The following RTN1 variants were observed in gnomAD, a reference collection of about 807,000 sequenced individuals.
RTN1 encodes the protein reticulon-1.
A neutral mutation model predicts 65.5 loss-of-function variants in RTN1; 25 were observed. The observed-to-expected ratio is 0.38, with a 90% CI of 0.28 to 0.53. The LOEUF is 0.53. Ranked by LOEUF, RTN1 falls within the 20% of genes least tolerant of loss-of-function variation. The pLI is 0.79. For synonymous variants in RTN1, 471 were observed against 447.6 expected (o/e 1.05, Z -0.66); for missense variants, 983 against 1,025.4 (o/e 0.96, Z 0.57).
intron 1 of RTN1, among the ~76,000 whole-genome samples, chr14:59,773,443 A>C (rs552784651): frequency 6.6e-6 from 1 of 152,300 alleles, no homozygotes; most frequent in African/African-American, 2.4e-5. Context: ...GATGACTTTA[A>C]AAAGTTAGTT....
At chr14:59,661,750 C>T (rs1312852284) in intron 3 of RTN1, among the ~76,000 whole-genome samples, 1 of 152,066 alleles carries the variant, frequency 6.6e-6, no homozygotes, top group Non-Finnish European at 1.5e-5. Context: ...AAGGAACGTA[C>T]CTCAAAATAA....
chr14:59,725,286 TA>T (rs1884733733), intron 3 of RTN1, among the ~76,000 whole-genome samples: 1 of 152,196 alleles, frequency 6.6e-6, no homozygotes, highest in Admixed American at 6.5e-5. Flanking sequence ...AGAATAAACA[TA>T]TTTGAACAGC....
At chr14:59,764,577 C>T (rs765981550) in intron 1 of RTN1, among the ~76,000 whole-genome samples, 8 of 152,158 alleles carry the variant, frequency 5.3e-5, no homozygotes, top group Non-Finnish European at 1.2e-4. Flanking sequence ...CCACCTCGGC[C>T]TCCCAAAGTG....
At chr14:59,851,729 C>T (rs148198297) in intron 1 of RTN1, among the ~76,000 whole-genome samples, 29 of 151,938 alleles carry the variant, frequency 1.9e-4, no homozygotes, top group African/African-American at 5.6e-4. Context: ...TGGTGGCAAG[C>T]GCCTGTAGTC....
chr14:59,612,536 C>T (rs529394310), intron 3 of RTN1, among the ~76,000 whole-genome samples: 1 of 152,230 alleles, frequency 6.6e-6, no homozygotes, highest in African/African-American at 2.4e-5. Flanking sequence ...ATGTTGTGTA[C>T]TTTGTGCTAA....
intron 3 of RTN1, among the ~76,000 whole-genome samples, chr14:59,637,991 A>G (rs1200090480): frequency 6.6e-6 from 1 of 151,866 alleles, no homozygotes; most frequent in Non-Finnish European, 1.5e-5. Context: ...TGCTGGGACT[A>G]CAAGCACCTG....
chr14:59,632,971 A>G (rs935478244), intron 3 of RTN1, among the ~76,000 whole-genome samples: 1 of 152,144 alleles, frequency 6.6e-6, no homozygotes, highest in African/African-American at 2.4e-5. Flanking sequence ...GCATGGTGGC[A>G]TGCACCTGTA....
chr14:59,606,352 C>T (rs972662661), intron 4 of RTN1, among the ~76,000 whole-genome samples: 1 of 151,918 alleles, frequency 6.6e-6, no homozygotes, highest in African/African-American at 2.4e-5. Context: ...AATGTGTCCT[C>T]CCCAAATTCA....
intron 1 of RTN1, among the ~76,000 whole-genome samples, chr14:59,793,939 C>T (rs1391289414): frequency 6.6e-6 from 1 of 152,114 alleles, no homozygotes; most frequent in Non-Finnish European, 1.5e-5. Flanking sequence ...ACACATAAGG[C>T]CCCATGCTCT....
chr14:59,862,877 A>G (rs991962285), intron 1 of RTN1, among the ~76,000 whole-genome samples: 5 of 152,098 alleles, frequency 3.3e-5, no homozygotes, highest in East Asian at 1.9e-4. Context: ...ACTTTCAACA[A>G]TTCCACTCCT....
At chr14:59,792,122 A>G (rs960181062) in intron 1 of RTN1, among the ~76,000 whole-genome samples, 1 of 152,062 alleles carries the variant, frequency 6.6e-6, no homozygotes, top group Non-Finnish European at 1.5e-5. Flanking sequence ...TACCGCTGCC[A>G]TTATTTGATG....
At chr14:59,864,017 C>T (rs1887755709) in intron 1 of RTN1, among the ~76,000 whole-genome samples, 1 of 152,174 alleles carries the variant, frequency 6.6e-6, no homozygotes, top group Admixed American at 6.5e-5. Context: ...TCTTGCTCCA[C>T]ACCAACCACC....
rs371576013 is a variant in RTN1, at chr14:59,611,938, T to C, written c.1766-4446A>G. ...ACCATCCTTATCTGGTCACATTCCA[T>C]GAGCCCCAAAGAAGGCTCAACAGGC... On this transcript the variant is annotated intron_variant, in intron 3 of 8. Transcript: ENST00000267484. Among the ~76,000 whole-genome samples the C allele has an allele frequency of 4.6e-5, 7 of 152,278 alleles. No individual in the cohort carries two copies. The South Asian group carries it at 8.3e-4, about 18-fold the overall frequency.
In RTN1 at chr14:59,816,525, T is replaced by C. The variant is rs976680314; in HGVS notation, c.241+53865A>G. On this transcript the variant is annotated intron_variant, in intron 1 of 8. Transcript: ENST00000267484. This position sits in a 1 kb window ranked among gnomAD's most constrained non-coding sequence, Gnocchi z 4.3. ...AGGCTTAATAAATATTTATTGCACA[T>C]AGAAATGAGTTTTGAGATGGAGGAT... is the stretch of plus-strand genomic sequence containing the variant. Among the ~76,000 whole-genome samples, 3 of 152,064 alleles carry C rather than the reference T, an allele frequency of 2.0e-5. No individual in the cohort carries two copies. Among genetic ancestry groups the C allele is most frequent in the South Asian group, 4.2e-4 (2 of 4,818 alleles).
chr14:59,824,079 A>C (rs1309437143), intron 1 of RTN1, among the ~76,000 whole-genome samples: 1 of 152,216 alleles, frequency 6.6e-6, no homozygotes, highest in Non-Finnish European at 1.5e-5. Context: ...CCACCTCTGC[A>C]GTGTTATTTA....
At chr14:59,851,011 T>A (rs1469866504) in intron 1 of RTN1, among the ~76,000 whole-genome samples, 1 of 152,218 alleles carries the variant, frequency 6.6e-6, no homozygotes, top group African/African-American at 2.4e-5. Context: ...TACTGATTGT[T>A]TTCCCCCTGC....
At chr14:59,666,930 G>A (rs1303686980) in intron 3 of RTN1, among the ~76,000 whole-genome samples, 1 of 108,310 alleles carries the variant, frequency 9.2e-6, no homozygotes, top group Non-Finnish European at 1.7e-5. Context: ...ATCAAGTTCT[G>A]AAATTGAGGC....
intron 1 of RTN1, among the ~76,000 whole-genome samples, chr14:59,841,323 G>A (rs557926593): frequency 7.2e-5 from 11 of 152,112 alleles, no homozygotes; most frequent in Non-Finnish European, 1.3e-4. Flanking sequence ...GTAGATTTAA[G>A]CTCAGTCATA....
chr14:59,712,574 C>A (rs1884445967), intron 3 of RTN1, among the ~76,000 whole-genome samples: 1 of 152,186 alleles, frequency 6.6e-6, no homozygotes, highest in African/African-American at 2.4e-5. Flanking sequence ...AACTTGCAAA[C>A]TTACTAACTG....
Sources: gnomAD v4.1 joint callset for allele counts (sites outside exome capture counted in the v4.1 genomes callset) on GRCh38, gnomAD v4.1.1 for gene constraint, Gnocchi (gnomAD v3.1) non-coding constraint, MANE v1.5 for transcripts, NCBI Gene and HGNC (gene_info 2026-07-23, HGNC 2026-07-21) for gene names.